Variants in VOPP1 observed in about 807,000 individuals in gnomAD.
VOPP1 encodes WW domain binding protein VOPP1.
A neutral mutation model predicts 23.5 loss-of-function variants in VOPP1; 8 were observed. The observed-to-expected ratio is 0.34, with a 90% CI of 0.20 to 0.61. VOPP1 has a LOEUF of 0.61. Ranked by LOEUF, VOPP1 falls within the 20% of genes least tolerant of loss-of-function variation. The pLI, the probability that VOPP1 is intolerant of heterozygous loss-of-function variation, is 0.78. For missense variants in VOPP1, 174 were observed against 238.1 expected (o/e 0.73, Z 1.77); for synonymous variants, 83 against 97.3 (o/e 0.85, Z 0.86).
downstream of VOPP1, among the ~76,000 whole-genome samples, chr7:55,466,593 G>T (rs1449851389): frequency 4.6e-5 from 7 of 152,258 alleles, no homozygotes; most frequent in East Asian, 9.7e-4. Context: ...GAATGACCTT[G>T]GATTGAGATC....
intron 1 of VOPP1, among the ~76,000 whole-genome samples, chr7:55,522,466 T>G (rs1795929299): frequency 6.6e-6 from 1 of 152,226 alleles, no homozygotes; most frequent in Non-Finnish European, 1.5e-5. Flanking sequence ...CGAAATCAAT[T>G]TATTTTGGCA....
chr7:55,560,039 G>A (rs557142016), intron 1 of VOPP1, among the ~76,000 whole-genome samples: 2 of 152,290 alleles, frequency 1.3e-5, no homozygotes, highest in South Asian at 2.1e-4. Flanking sequence ...TGTAGTCCCC[G>A]CTACTTGGGA....
intron 4 of VOPP1, among the ~76,000 whole-genome samples, chr7:55,446,847 C>T (rs1050872517): frequency 2.6e-5 from 4 of 152,204 alleles, no homozygotes; most frequent in Non-Finnish European, 5.9e-5. Context: ...AACAAAACAA[C>T]TGAACAGGAA....
At chr7:55,448,867 G>A (rs1180375345) in intron 4 of VOPP1, among the ~76,000 whole-genome samples, 1 of 152,224 alleles carries the variant, frequency 6.6e-6, no homozygotes, top group Non-Finnish European at 1.5e-5. Flanking sequence ...CCTCTTCAAT[G>A]ACATATTTTA....
chr7:55,514,505 C>T (rs1795280305), intron 2 of VOPP1, among the ~76,000 whole-genome samples: 1 of 152,228 alleles, frequency 6.6e-6, no homozygotes, highest in South Asian at 2.1e-4. Context: ...TCCAACCCTC[C>T]TTAGGCCACC....
intron 4 of VOPP1, among the ~76,000 whole-genome samples, chr7:55,490,609 G>C (rs980949863): frequency 7.9e-5 from 12 of 152,168 alleles, no homozygotes; most frequent in Admixed American, 7.9e-4. Flanking sequence ...GGCAGGGGCT[G>C]CTCCTCCCTG....
chr7:55,566,866 C>A (rs1216684248), intron 1 of VOPP1, among the ~76,000 whole-genome samples: 2 of 152,116 alleles, frequency 1.3e-5, no homozygotes, highest in Non-Finnish European at 1.5e-5. Flanking sequence ...AAGGTGAGGC[C>A]TGGAAAAGAA....
intron 2 of VOPP1, among the ~76,000 whole-genome samples, chr7:55,504,584 C>T (rs1168707847): frequency 6.6e-6 from 1 of 152,262 alleles, no homozygotes; most frequent in Non-Finnish European, 1.5e-5. Context: ...CTCCAACCTG[C>T]CCAGGCAGAC....
chr7:55,564,966 G>T (rs1209398541), intron 1 of VOPP1, among the ~76,000 whole-genome samples: 1 of 152,182 alleles, frequency 6.6e-6, no homozygotes, highest in Non-Finnish European at 1.5e-5. Context: ...CCCTATGCTT[G>T]AAGCAAGCAA....
At chr7:55,450,936 C>T (rs1334970053) in intron 4 of VOPP1, among the ~76,000 whole-genome samples, 1 of 152,264 alleles carries the variant, frequency 6.6e-6, no homozygotes, top group Non-Finnish European at 1.5e-5. Flanking sequence ...ACATTCCTGT[C>T]ACTGTTGAAA....
chr7:55,552,021 C>CAAAA (rs202229227), intron 1 of VOPP1, among the ~76,000 whole-genome samples: 2 of 55,792 alleles, frequency 3.6e-5, no homozygotes, highest in African/African-American at 8.5e-5. Context: ...AGACTGTGTC[C>CAAAA]AAAAAAAAAA....
Position 55,494,603 on chromosome 7 carries a change from T to C in VOPP1, c.192-2185A>G, listed in dbSNP as rs960586163. ...TTCATCCCTTACTGAAATCATAGTC[T>C]GATAACTTATTCTGTTCATTTATGT... On this transcript the variant is annotated intron_variant, in intron 3 of 4. Transcript: ENST00000285279. Among the ~76,000 whole-genome samples the C allele has an allele frequency of 5.3e-5, 8 of 152,220 alleles. 1 individual carries two copies. Among genetic ancestry groups the C allele is most frequent in the African/African-American group, 7.2e-5 (3 of 41,458 alleles).
intron 1 of VOPP1, among the ~76,000 whole-genome samples, chr7:55,537,283 C>G (rs1341747596): frequency 6.6e-6 from 1 of 152,172 alleles, no homozygotes; most frequent in African/African-American, 2.4e-5. Context: ...GGAAGCCAAG[C>G]AGGAATCTCA....
At chr7:55,440,590 G>A (rs2128998996) in intron 4 of VOPP1, among the ~76,000 whole-genome samples, 2 of 152,312 alleles carry the variant, frequency 1.3e-5, no homozygotes, top group East Asian at 1.9e-4. Context: ...TTCAGCTGTT[G>A]GTCAACACTT....
chr7:55,552,955 G>A, intron 1 of VOPP1: 1 of 635,240 alleles, frequency 1.6e-6, no homozygotes, highest in Middle Eastern at 5.2e-4. Context: ...AGGCGCTGTA[G>A]GAAAAGACAT....
At chr7:55,464,358 G>A (rs1791581456) in intron 4 of VOPP1, among the ~76,000 whole-genome samples, 1 of 152,200 alleles carries the variant, frequency 6.6e-6, no homozygotes, top group South Asian at 2.1e-4. Context: ...ATGCTTGGGT[G>A]CCGGTGGTGG....
chr7:55,459,596 T>G (rs1016709758), intron 4 of VOPP1, among the ~76,000 whole-genome samples: 1 of 152,322 alleles, frequency 6.6e-6, no homozygotes, highest in Middle Eastern at 3.4e-3. Context: ...GGTTCAATCT[T>G]GGAAGGTTGT....
At chr7:55,501,865 A>T (rs78821544) in intron 2 of VOPP1, among the ~76,000 whole-genome samples, 1,672 of 152,268 alleles carry the variant, frequency 0.011, 11 homozygotes, top group Middle Eastern at 0.02. Context: ...TCTGCCACCA[A>T]GATGCTCCTG....
At chr7:55,462,717 G>A (rs1093250) in intron 4 of VOPP1, among the ~76,000 whole-genome samples, 43,365 of 144,026 alleles carry the variant, frequency 0.3, 7,550 homozygotes, top group East Asian at 0.51. Flanking sequence ...GTGCAGTGGC[G>A]GGATCTCGGC....
Sources: gnomAD v4.1 joint callset for allele counts (sites outside exome capture counted in the v4.1 genomes callset) on GRCh38, gnomAD v4.1.1 for gene constraint, MANE v1.5 for transcripts, NCBI Gene and HGNC (gene_info 2026-07-23, HGNC 2026-07-21) for gene names.